MB21D2: variants seen among roughly 807,000 people sequenced by gnomAD.
MB21D2 encodes Mab-21 domain containing 2, also known as nucleotidyltransferase MB21D2.
A neutral mutation model predicts 33.3 loss-of-function variants in MB21D2; 9 were observed. That is an observed-to-expected ratio of 0.27 (90% CI 0.16 to 0.47). The LOEUF (loss-of-function observed/expected upper bound fraction) is 0.47, where lower values mean the gene tolerates loss of function less well. Ranked by LOEUF, MB21D2 falls within the 20% of genes least tolerant of loss-of-function variation. The pLI, the probability that MB21D2 is intolerant of heterozygous loss-of-function variation, is 0.99. For missense variants in MB21D2, 540 were observed against 624.6 expected (o/e 0.86, Z 1.44); for synonymous variants, 241 against 236.3 (o/e 1.02, Z -0.18).
intron 1 of MB21D2, among the ~76,000 whole-genome samples, chr3:192,840,603 G>A (rs1712549589): frequency 6.6e-6 from 1 of 151,874 alleles, no homozygotes; most frequent in Non-Finnish European, 1.5e-5. Context: ...AGGCGCTATG[G>A]TAGAAAGTTT....
At chr3:192,902,193 C>G (rs977673349) in intron 1 of MB21D2, among the ~76,000 whole-genome samples, 4 of 152,206 alleles carry the variant, frequency 2.6e-5, no homozygotes, top group African/African-American at 9.7e-5. Context: ...AACCGGCTTT[C>G]AGGAGATCAA....
At chr3:192,820,595 C>T (rs1023547304) in intron 1 of MB21D2, among the ~76,000 whole-genome samples, 83 of 152,352 alleles carry the variant, frequency 5.4e-4, no homozygotes, top group African/African-American at 1.8e-3. Context: ...CTGATGAAAG[C>T]GTCTGCGTAG....
intron 1 of MB21D2, among the ~76,000 whole-genome samples, chr3:192,860,380 CTATT>C (rs536598493): frequency 1.8e-3 from 278 of 152,236 alleles, no homozygotes; most frequent in Non-Finnish European, 3.3e-3. Flanking sequence ...ATTTCTTTAT[CTATT>C]TATTTATTTA....
At chr3:192,853,981 C>T (rs149445241) in intron 1 of MB21D2, among the ~76,000 whole-genome samples, 1,600 of 152,318 alleles carry the variant, frequency 0.011, 17 homozygotes, top group Non-Finnish European at 0.018. Context: ...GCTGTTACCC[C>T]AGCTCTCTCC....
intron 1 of MB21D2, among the ~76,000 whole-genome samples, chr3:192,914,855 A>G (rs533294374): frequency 6.6e-6 from 1 of 152,326 alleles, no homozygotes; most frequent in South Asian, 2.1e-4. Context: ...TGGTGTTGAC[A>G]GGTCATTGAT....
In MB21D2 at chr3:192,888,433, G is replaced by A. The variant is rs1028232311; in HGVS notation, c.211+29197C>T. ...AGAAATAACATTCATTAAAGCACGC[G>A]CGCTCCTAAGCAACCATCAACATCT... On this transcript the variant is annotated intron_variant, in intron 1 of 1. Transcript: ENST00000392452. Among the ~76,000 whole-genome samples the A allele has an allele frequency of 9.2e-5, 14 of 152,010 alleles. 1 individual carries two copies. The highest frequency in any genetic ancestry group is 3.9e-4 in the East Asian group (2 of 5,192).
At chr3:192,915,983 A>G (rs951938508) in intron 1 of MB21D2, among the ~76,000 whole-genome samples, 1 of 151,930 alleles carries the variant, frequency 6.6e-6, no homozygotes, top group Non-Finnish European at 1.5e-5. Flanking sequence ...TAAACAACTT[A>G]AGTAACTGCG....
intron 1 of MB21D2, among the ~76,000 whole-genome samples, chr3:192,813,761 T>C (rs1711845451): frequency 1.3e-5 from 2 of 152,170 alleles, no homozygotes; most frequent in South Asian, 2.1e-4. Context: ...GAAGGAAAGA[T>C]AGAGGGATCA....
At chr3:192,881,809 G>A (rs1459774917) in intron 1 of MB21D2, among the ~76,000 whole-genome samples, 1 of 152,112 alleles carries the variant, frequency 6.6e-6, no homozygotes, top group East Asian at 1.9e-4. Context: ...AGCTATAAAT[G>A]CCACATGAGC....
chr3:192,810,599 A>C (rs868510196), intron 1 of MB21D2, among the ~76,000 whole-genome samples: 3 of 152,340 alleles, frequency 2.0e-5, no homozygotes, highest in Middle Eastern at 3.4e-3. Flanking sequence ...ATACAATAGT[A>C]GATATAATAG....
chr3:192,817,344 G>C (rs1393030392), intron 1 of MB21D2, among the ~76,000 whole-genome samples: 1 of 152,180 alleles, frequency 6.6e-6, no homozygotes, highest in South Asian at 2.1e-4. Context: ...TGTCAGCTTT[G>C]TAAGGGACAG....
chr3:192,909,966 A>AG (rs1714307881), intron 1 of MB21D2, among the ~76,000 whole-genome samples: 6 of 132,226 alleles, frequency 4.5e-5, no homozygotes, highest in Admixed American at 1.5e-4. Context: ...AAAAAAAAGA[A>AG]AGAGAGAGAG....
intron 1 of MB21D2, among the ~76,000 whole-genome samples, chr3:192,828,872 A>G (rs367654650): frequency 6.6e-6 from 1 of 151,188 alleles, no homozygotes; most frequent in African/African-American, 2.4e-5. Flanking sequence ...GATGATCTCA[A>G]TCTCCTGACC....
Position 192,835,306 on chromosome 3 carries a change from A to G in MB21D2, c.212-35656T>C, listed in dbSNP as rs1024856157. ...CGTCTCTACAAAAAAATACAAAAAA[A>G]TTAGCTGGGTGTGGTGGCGGGCACC... On this transcript the variant is annotated intron_variant, in intron 1 of 1. Coordinates refer to ENST00000392452, the MANE Select transcript of MB21D2 (RefSeq NM_178496.4). Among the ~76,000 whole-genome samples, 32 of 151,368 alleles carry G rather than the reference A, an allele frequency of 2.1e-4. 1 individual carries two copies. The highest frequency in any genetic ancestry group is 4.0e-4 in the Non-Finnish European group (27 of 67,822).
At position 192,885,335 on chromosome 3, in the gene MB21D2, C is replaced by T. The variant is rs569173971; in HGVS notation, c.211+32295G>A. Among the ~76,000 whole-genome samples the T allele has an allele frequency of 1.5e-4, 23 of 152,216 alleles. No homozygotes were observed. The South Asian group carries it at 4.6e-3, about 30-fold the overall frequency. The stretch of plus-strand genomic sequence containing the variant: ...TTCTGCTCTCCACTCCCACGACATG[C>T]TCTTTGATTTAAAATCCCAAATCTT... On this transcript the variant is annotated intron_variant, in intron 1 of 1. Transcript: ENST00000392452.
intron 1 of MB21D2, among the ~76,000 whole-genome samples, chr3:192,914,828 A>C (rs2108657810): frequency 6.6e-6 from 1 of 152,272 alleles, no homozygotes; most frequent in Admixed American, 6.5e-5. Flanking sequence ...CTACTTTGAT[A>C]AGACAGTGGA....
Position 192,917,671 on chromosome 3 carries a change from A to C in MB21D2, c.170T>G (p.Leu57Arg). Residue 57 changes from leucine (L) to arginine (R), a missense_variant, in exon 1 of 2, where the codon CTG becomes CGG. Coordinates refer to ENST00000392452, the MANE Select transcript of MB21D2 (RefSeq NM_178496.4). ...DQREYDDQRA[L>R]EIHTAKDFIF... ...GAAATCCTTGGCTGTGTGAATCTCC[A>C]GCGCTCTCTGGTCGTCGTATTCCCG... is the stretch of plus-strand genomic sequence containing the variant. 2 of 1,614,046 alleles carry C rather than the reference A, an allele frequency of 1.2e-6. No individual in the cohort carries two copies. The highest frequency in any genetic ancestry group is 1.7e-6 in the Non-Finnish European group (2 of 1,179,986).
rs138726884 is a variant in MB21D2 at position 192,883,286 on chromosome 3, C to G, written c.211+34344G>C. On this transcript the variant is annotated intron_variant, in intron 1 of 1. Coordinates refer to ENST00000392452, the MANE Select transcript of MB21D2 (RefSeq NM_178496.4). ...AGCTTCCTACTGGTTCCCTCATTAA[C>G]GAGTTAAATACATCTTTGCCATGTA... Among the ~76,000 whole-genome samples, 46 of 152,140 alleles carry G rather than the reference C, an allele frequency of 3.0e-4. 2 individuals are homozygous for G. Among genetic ancestry groups the G allele is most frequent in the African/African-American group, 9.9e-4 (41 of 41,440 alleles).
intron 1 of MB21D2, among the ~76,000 whole-genome samples, chr3:192,854,003 C>G (rs1193576041): frequency 1.3e-5 from 2 of 152,244 alleles, no homozygotes; most frequent in African/African-American, 4.8e-5. Flanking sequence ...TCCCCATGGG[C>G]TTCCCTATTC....
Sources: allele counts gnomAD v4.1 joint callset (sites outside exome capture counted in the v4.1 genomes callset), GRCh38; gene constraint gnomAD v4.1.1; transcripts MANE v1.5; gene names NCBI Gene and HGNC (gene_info 2026-07-23, HGNC 2026-07-21).